The following SMG5 variants were observed in gnomAD, a reference collection of about 807,000 sequenced individuals.
SMG5 encodes SMG5 nonsense mediated mRNA decay factor, also known as nonsense-mediated mRNA decay factor SMG5.
In SMG5, 53 loss-of-function variants were observed where a neutral mutation model predicts 122.9. That is an observed-to-expected ratio of 0.43 (90% CI 0.35 to 0.54). The LOEUF (loss-of-function observed/expected upper bound fraction) is 0.54, where lower values mean the gene tolerates loss of function less well. SMG5 is among the 20% of genes least tolerant of loss of function. SMG5 has a pLI of 0.01. For missense variants in SMG5, 1,153 were observed against 1,285.6 expected, an observed-to-expected ratio of 0.90 and a Z score of 1.58; for synonymous variants, 477 against 490.2, an observed-to-expected ratio of 0.97 and a Z score of 0.35.
chr1:156,285,419 G>A, upstream of SMG5: 1 of 1,611,232 alleles, frequency 6.2e-7, no homozygotes, highest in Non-Finnish European at 8.5e-7. Flanking sequence ...GGCTGAGGAT[G>A]GTCTAGACAG....
At chr1:156,291,081 A>T in the SMG5 span, 1 of 343,194 alleles carries the variant, frequency 2.9e-6, no homozygotes, top group South Asian at 4.1e-5. Context: ...TTGAGCCCAG[A>T]CTGGCAACAT....
chr1:156,261,868 C>A (rs1368404647), intron 13 of SMG5, among the ~76,000 whole-genome samples: 1 of 113,474 alleles, frequency 8.8e-6, no homozygotes, highest in East Asian at 2.6e-4. Context: ...CCAGCCTGGG[C>A]AACAAGAATG....
At chr1:156,273,548 C>G in intron 5 of SMG5, 98 bp from the exon 6 acceptor site, 1 of 1,165,810 alleles carries the variant, frequency 8.6e-7, no homozygotes, top group Admixed American at 2.0e-5. Flanking sequence ...GTAACAAGAG[C>G]CTGGAAGGAA....
intron 16 of SMG5, chr1:156,253,757 C>G: frequency 7.4e-6 from 4 of 538,416 alleles, no homozygotes; most frequent in South Asian, 6.0e-5. Flanking sequence ...GGGAAGCAGA[C>G]AGCCATGTGC....
intron 6 of SMG5, among the ~76,000 whole-genome samples, chr1:156,272,646 C>T (rs2101554565): frequency 6.7e-6 from 1 of 150,052 alleles, no homozygotes; most frequent in African/African-American, 2.5e-5. Context: ...GATCTCGGCT[C>T]ACTGCAAGCT....
At chr1:156,253,132 C>T (rs1030585670) in intron 17 of SMG5, 54 bp from the exon 18 acceptor site, 17 of 1,508,548 alleles carry the variant, frequency 1.1e-5, no homozygotes, top group Middle Eastern at 2.3e-4. Context: ...GCAGCCGGGC[C>T]GGGGGAAGAG....
the SMG5 span, chr1:156,290,853 T>C: frequency 1.2e-5 from 1 of 86,562 alleles, no homozygotes. Flanking sequence ...AATAATAATT[T>C]AAAAAATCAC....
In SMG5 at chr1:156,250,391, C is replaced by T. The variant is rs774174192; in HGVS notation, c.*196G>A. 1.6e-5 allele frequency: 10 copies of T among 608,354 alleles called. No individual in the cohort carries two copies. The highest frequency in any genetic ancestry group is 1.1e-4 in the African/African-American group (6 of 54,230). 37.7% of individuals were successfully genotyped at this position (608,354 alleles called of 1,614,324 possible). A position where few individuals can be genotyped will look rare whatever the true frequency, so the allele number is the denominator to read the frequency against. ...CCAAGCACTTTCCTCGCTTTCCTAA[C>T]GTCTTGGCAACAAAGGGACCCCACC... On this transcript the variant is annotated 3_prime_UTR_variant, in exon 22 of 22. Transcript: ENST00000361813.
At chr1:156,258,142 GC>G (rs1186671700) in intron 16 of SMG5, among the ~76,000 whole-genome samples, 1 of 152,240 alleles carries the variant, frequency 6.6e-6, no homozygotes, top group Admixed American at 6.5e-5. Flanking sequence ...ATCCTTTGGG[GC>G]CCCTGTGGGA....
At chr1:156,255,969 A>G (rs911013548) in intron 16 of SMG5, among the ~76,000 whole-genome samples, 2 of 152,210 alleles carry the variant, frequency 1.3e-5, no homozygotes, top group African/African-American at 4.8e-5. Flanking sequence ...ATTGAGGGAC[A>G]CTATGAAATA....
At chr1:156,276,681 T>C (rs922837247) in intron 4 of SMG5, among the ~76,000 whole-genome samples, 18 of 152,266 alleles carry the variant, frequency 1.2e-4, no homozygotes, top group African/African-American at 4.1e-4. Context: ...ACTTGTACTA[T>C]GTTGAAAGAC....
intron 16 of SMG5, among the ~76,000 whole-genome samples, chr1:156,254,893 C>T (rs927015878): frequency 6.6e-6 from 1 of 151,102 alleles, no homozygotes; most frequent in African/African-American, 2.4e-5. Context: ...AGTTCGAGAG[C>T]AGCCTGGCCA....
At chr1:156,252,323 T>A in intron 19 of SMG5, 91 bp downstream of exon 19, 1 of 1,187,346 alleles carries the variant, frequency 8.4e-7, no homozygotes, top group Non-Finnish European at 1.2e-6. Flanking sequence ...TGTATGTGTC[T>A]TACCCATAGG....
intron 12 of SMG5, 100 bp from the exon 13 acceptor site, chr1:156,263,670 T>G: frequency 7.5e-7 from 1 of 1,327,818 alleles, no homozygotes; most frequent in Non-Finnish European, 1.0e-6. Flanking sequence ...CCACCTGGCC[T>G]GGGCCCTTCC....
At chr1:156,282,412 C>T (rs903430538) in intron 1 of SMG5, among the ~76,000 whole-genome samples, 195 bp downstream of exon 1, 6 of 152,190 alleles carry the variant, frequency 3.9e-5, no homozygotes, top group African/African-American at 1.4e-4. Flanking sequence ...TCCCTCCAAA[C>T]CTCCCACCTA....
chr1:156,253,497 T>G lies in SMG5; in HGVS notation c.2454A>C (p.Glu818Asp). 6.2e-7 allele frequency: 1 copy of G among 1,614,090 alleles called. No individual in the cohort carries two copies. The highest frequency in any genetic ancestry group is 8.5e-7 in the Non-Finnish European group (1 of 1,180,008). ...AQAQFRMAQE[E>D]ARRNRLMRDM... ...CTCTCATGAGCCTGTTCCGACGAGC[T>G]TCCTCCTGTGCCTATGAGGGAAAAA... Residue 818 changes from glutamate (E) to aspartate (D), a missense_variant, in exon 17 of 22, where the codon GAA becomes GAC. Physicochemically the swap from Glu to Asp is conservative, Grantham distance 45. Around this residue, in one of 5 missense-constraint regions of SMG5, gnomAD observed 140 missense variants for 227.8 expected, o/e 0.61. Coordinates refer to ENST00000361813, the MANE Select transcript of SMG5 (RefSeq NM_015327.3).
At chr1:156,275,551 G>C (rs1434090381) in intron 4 of SMG5, among the ~76,000 whole-genome samples, 1 of 152,204 alleles carries the variant, frequency 6.6e-6, no homozygotes, top group Non-Finnish European at 1.5e-5. Flanking sequence ...GGATACAAAA[G>C]GCTCCAGAGA....
intron 12 of SMG5, 136 bp downstream of exon 12, chr1:156,265,645 C>CTT: frequency 7.5e-7 from 1 of 1,326,402 alleles, no homozygotes; most frequent in Non-Finnish European, 1.0e-6. Context: ...AACTCATGGG[C>CTT]TACACCACAG....
intron 7 of SMG5, among the ~76,000 whole-genome samples, chr1:156,270,606 A>G (rs1224482234): frequency 6.6e-6 from 1 of 152,232 alleles, no homozygotes; most frequent in Non-Finnish European, 1.5e-5. Context: ...AAACTTGGAT[A>G]TACCTGGCTC....
Sources: allele counts gnomAD v4.1 joint callset (sites outside exome capture counted in the v4.1 genomes callset), GRCh38; gene constraint gnomAD v4.1.1; regional missense constraint gnomAD v4.1.1; transcripts MANE v1.5; gene names NCBI Gene and HGNC (gene_info 2026-07-23, HGNC 2026-07-21).